SVIL: variants seen among roughly 807,000 people sequenced by gnomAD.
SVIL encodes the protein supervillin.
In SVIL, 101 loss-of-function variants were observed where a neutral mutation model predicts 240.4. The observed-to-expected ratio is 0.42, with a 90% CI of 0.36 to 0.50. SVIL has a LOEUF of 0.50. Ranked by LOEUF, SVIL falls within the 20% of genes least tolerant of loss-of-function variation. SVIL has a pLI of 0.01. For synonymous variants in SVIL, 999 were observed against 1,100.0 expected (o/e 0.91, Z 1.82); for missense variants, 2,512 against 2,818.7 (o/e 0.89, Z 2.46).
chr10:29,639,595 A>C (rs1210745379), upstream of SVIL, among the ~76,000 whole-genome samples: 3 of 151,334 alleles, frequency 2.0e-5, no homozygotes, highest in African/African-American at 7.3e-5. Flanking sequence ...CAGCCTCCCA[A>C]GTAGCTGGGA....
At chr10:29,650,570 C>T (rs1958803207) in intron 3 of SVIL, among the ~76,000 whole-genome samples, 1 of 151,754 alleles carries the variant, frequency 6.6e-6, no homozygotes, top group Admixed American at 6.6e-5. Flanking sequence ...TTAATACAAC[C>T]AAGTGATGTA....
intron 1 of SVIL, among the ~76,000 whole-genome samples, chr10:29,691,319 C>A (rs1436542461): frequency 2.0e-5 from 3 of 151,594 alleles, no homozygotes; most frequent in Non-Finnish European, 2.9e-5. Context: ...TCACGCCATT[C>A]TCCAGCCTCA....
intron 1 of SVIL, among the ~76,000 whole-genome samples, chr10:29,623,576 C>G (rs760357391): frequency 6.6e-6 from 1 of 152,142 alleles, no homozygotes; most frequent in Non-Finnish European, 1.5e-5. Context: ...GCCAGGCAGG[C>G]GCGGAGGCTC....
intron 1 of SVIL, among the ~76,000 whole-genome samples, chr10:29,584,827 A>G (rs1016611895): frequency 6.6e-6 from 1 of 152,216 alleles, no homozygotes; most frequent in Admixed American, 6.5e-5. Context: ...AAGTGGAAAA[A>G]GAAAATTCAG....
At chr10:29,478,180 C>A (rs1321628592) in intron 29 of SVIL, among the ~76,000 whole-genome samples, 1 of 152,206 alleles carries the variant, frequency 6.6e-6, no homozygotes, top group Non-Finnish European at 1.5e-5. Flanking sequence ...TTATTATTGT[C>A]TTTGGCAACC....
chr10:29,545,604 C>T (rs561534245), intron 6 of SVIL, among the ~76,000 whole-genome samples: 20 of 152,030 alleles, frequency 1.3e-4, no homozygotes, highest in South Asian at 6.2e-4. Flanking sequence ...CGCCTGTAAT[C>T]CCAGCATTTT....
intron 1 of SVIL, among the ~76,000 whole-genome samples, chr10:29,629,599 C>CT (rs1482094296): frequency 2.8e-4 from 36 of 128,762 alleles, no homozygotes; most frequent in South Asian, 5.0e-4. Flanking sequence ...ATGGTATGTG[C>CT]CCAAGCTTGG....
chr10:29,497,535 A>G (rs1224793519), intron 18 of SVIL, among the ~76,000 whole-genome samples: 2 of 152,226 alleles, frequency 1.3e-5, no homozygotes, highest in South Asian at 4.1e-4. Flanking sequence ...TTTTGAATAT[A>G]GGCATCAAAT....
intron 1 of SVIL, among the ~76,000 whole-genome samples, chr10:29,617,840 G>A (rs1427066487): frequency 1.3e-5 from 2 of 152,100 alleles, no homozygotes; most frequent in African/African-American, 2.4e-5. Context: ...TAATAAAGCC[G>A]GCCAATGCAG....
At position 29,488,630 on chromosome 10, in the gene SVIL, T is replaced by C; in HGVS notation, c.4319A>G (p.Tyr1440Cys). ...EQNSNNSAVP[Y>C]KRLMLLQIKG... ...AATCTGCAACAGCATCAGCCTCTTG[T>C]AGGGCACGGCGCTGTTGTTAGAGTT... Residue 1440 changes from tyrosine to cysteine, a missense_variant, in exon 23 of 38, where the codon TAC (tyrosine) becomes TGC (cysteine). Tyr to Cys is a radical substitution (Grantham distance 194, BLOSUM62 -2). This residue lies in a region of SVIL where 272 missense variants were observed against 406.8 expected (regional missense o/e 0.67). Coordinates refer to ENST00000355867, the MANE Select transcript of SVIL (RefSeq NM_021738.3). 4 of 1,609,010 alleles carry C rather than the reference T, an allele frequency of 2.5e-6. No homozygotes were observed. Among genetic ancestry groups the C allele is most frequent in the Non-Finnish European group, 3.4e-6 (4 of 1,178,454 alleles).
At chr10:29,659,492 T>A (rs1478948896) in intron 2 of SVIL, among the ~76,000 whole-genome samples, 3 of 152,140 alleles carry the variant, frequency 2.0e-5, no homozygotes, top group Non-Finnish European at 4.4e-5. Context: ...ACAGCTGAAT[T>A]CCTTGGCGCT....
intron 1 of SVIL, among the ~76,000 whole-genome samples, chr10:29,578,909 T>C (rs771850702): frequency 6.2e-4 from 94 of 152,190 alleles, no homozygotes; most frequent in Non-Finnish European, 1.2e-3. Context: ...AGACTATTAC[T>C]TAAAGTCTTC....
At chr10:29,470,143 G>T in intron 32 of SVIL, 133 bp downstream of exon 32, 1 of 1,026,386 alleles carries the variant, frequency 9.7e-7, no homozygotes, top group Non-Finnish European at 1.5e-6. Flanking sequence ...CCCTGACCAC[G>T]TTCCCAGCCA....
At chr10:29,548,452 C>T (rs535467800) in intron 6 of SVIL, among the ~76,000 whole-genome samples, 3 of 152,216 alleles carry the variant, frequency 2.0e-5, no homozygotes, top group Admixed American at 2.0e-4. Flanking sequence ...TTAATATAGC[C>T]ATCACACTTT....
chr10:29,522,828 C>T (rs1950650304), intron 15 of SVIL, among the ~76,000 whole-genome samples, 193 bp from the exon 16 acceptor site: 2 of 152,234 alleles, frequency 1.3e-5, no homozygotes, highest in Non-Finnish European at 1.5e-5. Context: ...GGGTTACCCA[C>T]ACAGCAAAAT....
intron 2 of SVIL, among the ~76,000 whole-genome samples, chr10:29,659,271 C>T (rs1036518858): frequency 2.0e-5 from 3 of 152,188 alleles, no homozygotes; most frequent in Admixed American, 6.5e-5. Context: ...GAAAGCCCCT[C>T]GTTTATCAGC....
intron 2 of SVIL, among the ~76,000 whole-genome samples, chr10:29,684,228 AC>A (rs1960886428): frequency 6.6e-6 from 1 of 152,192 alleles, no homozygotes; most frequent in Admixed American, 6.5e-5. Context: ...TATAGTGTGA[AC>A]CAAAAAGTAT....
intron 17 of SVIL, chr10:29,507,796 T>C (rs1475519115): frequency 1.0e-6 from 1 of 985,064 alleles, no homozygotes; most frequent in Non-Finnish European, 1.2e-6. Flanking sequence ...GGAGAATAAG[T>C]AGAAGCATAT....
chr10:29,562,039 A>AC (rs1404084703), intron 3 of SVIL, among the ~76,000 whole-genome samples: 137 of 152,174 alleles, frequency 9.0e-4, no homozygotes, highest in Non-Finnish European at 5.3e-4. Context: ...CGTCAGTGGG[A>AC]CTTTTTTTTA....
Sources: gnomAD v4.1 joint callset for allele counts (sites outside exome capture counted in the v4.1 genomes callset) on GRCh38, gnomAD v4.1.1 for gene constraint, gnomAD v4.1.1 regional missense constraint, MANE v1.5 for transcripts, NCBI Gene and HGNC (gene_info 2026-07-23, HGNC 2026-07-21) for gene names.